LRP1B: variants seen among roughly 807,000 people sequenced by gnomAD.
LRP1B encodes the protein LDL receptor related protein 1B, also known as low-density lipoprotein receptor-related protein 1B.
A neutral mutation model predicts 556.6 loss-of-function variants in LRP1B; 217 were observed. The observed-to-expected ratio is 0.39, with a 90% CI of 0.35 to 0.44. LRP1B has a LOEUF of 0.44. Among genes scored for constraint, LRP1B ranks in the 20% least tolerant of loss-of-function variants. The pLI is 1.00. For missense variants in LRP1B, 5,053 were observed against 5,620.8 expected, an observed-to-expected ratio of 0.90 and a Z score of 3.23; for synonymous variants, 2,047 against 1,865.8, an observed-to-expected ratio of 1.10 and a Z score of -2.50.
At chr2:141,127,558 C>A (rs1237133198) in intron 7 of LRP1B, among the ~76,000 whole-genome samples, 2 of 152,084 alleles carry the variant, frequency 1.3e-5, no homozygotes, top group African/African-American at 4.8e-5. Context: ...ACTATGCAGC[C>A]ATAAAAAAGG....
At chr2:141,518,210 C>A (rs569704580) in intron 2 of LRP1B, among the ~76,000 whole-genome samples, 1 of 151,774 alleles carries the variant, frequency 6.6e-6, no homozygotes, top group Non-Finnish European at 1.5e-5. Flanking sequence ...GCAGAGAGCT[C>A]GGTAGACAGA....
chr2:140,739,706 C>A (rs975857499), intron 35 of LRP1B, among the ~76,000 whole-genome samples: 4 of 152,082 alleles, frequency 2.6e-5, no homozygotes, highest in African/African-American at 9.7e-5. Flanking sequence ...ATAAAAAATA[C>A]CGCTGATTGG....
At chr2:141,000,142 C>A (rs141080742) in intron 15 of LRP1B, among the ~76,000 whole-genome samples, 1 of 151,606 alleles carries the variant, frequency 6.6e-6, no homozygotes, top group Non-Finnish European at 1.5e-5. Flanking sequence ...TGGTCTTGAA[C>A]GCCTGGATTC....
chr2:141,014,826 C>T (rs985530830), intron 13 of LRP1B, among the ~76,000 whole-genome samples: 1 of 152,048 alleles, frequency 6.6e-6, no homozygotes, highest in African/African-American at 2.4e-5. Context: ...CAATGCCAAC[C>T]AATTGTACTT....
At chr2:141,210,903 T>C (rs1682510673) in intron 6 of LRP1B, among the ~76,000 whole-genome samples, 1 of 152,214 alleles carries the variant, frequency 6.6e-6, no homozygotes, top group Non-Finnish European at 1.5e-5. Context: ...AAAATAGGAA[T>C]AGTCTTTGCA....
At chr2:141,346,551 T>C (rs1022637483) in intron 3 of LRP1B, among the ~76,000 whole-genome samples, 13 of 152,126 alleles carry the variant, frequency 8.5e-5, no homozygotes, top group Admixed American at 2.0e-4. Flanking sequence ...TTCAGGTGTC[T>C]TACTCTCCCT....
intron 1 of LRP1B, among the ~76,000 whole-genome samples, chr2:142,031,904 A>G (rs1005992845): frequency 6.6e-6 from 1 of 151,842 alleles, no homozygotes; most frequent in African/African-American, 2.4e-5. Flanking sequence ...ATGTGAGGAA[A>G]AGAAACAGAC....
intron 29 of LRP1B, among the ~76,000 whole-genome samples, chr2:140,843,056 GTTTTTTTT>G (rs532264946): frequency 3.6e-5 from 1 of 28,058 alleles, no homozygotes; most frequent in Non-Finnish European, 7.3e-5. Flanking sequence ...CTCCAAAGTG[GTTTTTTTT>G]TTGTTTTTTT....
At chr2:141,529,571 C>G (rs547080739) in intron 2 of LRP1B, among the ~76,000 whole-genome samples, 1 of 152,090 alleles carries the variant, frequency 6.6e-6, no homozygotes, top group Non-Finnish European at 1.5e-5. Flanking sequence ...TTCAGATATT[C>G]CTGAATAATC....
chr2:141,504,627 G>A (rs950017089), intron 2 of LRP1B, among the ~76,000 whole-genome samples: 5 of 152,038 alleles, frequency 3.3e-5, no homozygotes, highest in Non-Finnish European at 5.9e-5. Flanking sequence ...TACAATGTGG[G>A]TGCCCAAGGA....
chr2:140,239,297 G>A lies in LRP1B; in HGVS notation c.13415+145C>T, dbSNP rs112101156. On this transcript the variant is annotated intron_variant, in intron 88 of 90. Coordinates refer to ENST00000389484, the MANE Select transcript of LRP1B (RefSeq NM_018557.3). ...GTCTAAATTATAATCACTTAAAAGA[G>A]AGGTATAAAATGATTTGAAAAACAT... is the stretch of plus-strand genomic sequence containing the variant. 8.2e-3 allele frequency: 4,071 copies of A among 497,820 alleles called. 152 individuals are homozygous for A. The highest frequency in any genetic ancestry group is 0.072 in the African/African-American group (3,587 of 49,764). The allele number at this position is 497,820 out of a possible 1,614,324, so 30.8% of individuals were successfully genotyped here.
At chr2:142,006,898 G>T (rs1017966718) in intron 1 of LRP1B, among the ~76,000 whole-genome samples, 1 of 151,980 alleles carries the variant, frequency 6.6e-6, no homozygotes, top group African/African-American at 2.4e-5. Context: ...AACAAATAAA[G>T]GTGGATAATC....
intron 41 of LRP1B, among the ~76,000 whole-genome samples, chr2:140,672,142 G>A (rs1378245230): frequency 6.6e-6 from 1 of 152,142 alleles, no homozygotes; most frequent in Non-Finnish European, 1.5e-5. Context: ...GACAAGTATA[G>A]GATGCTAGTT....
intron 77 of LRP1B, among the ~76,000 whole-genome samples, chr2:140,347,159 C>G (rs1681726382): frequency 6.6e-6 from 1 of 151,584 alleles, no homozygotes; most frequent in Non-Finnish European, 1.5e-5. Flanking sequence ...ATAAATTGCC[C>G]AAGAGCATGT....
chr2:140,364,525 G>A (rs1255684255), intron 72 of LRP1B, 136 bp downstream of exon 72: 4 of 980,746 alleles, frequency 4.1e-6, no homozygotes, highest in South Asian at 1.9e-5. Flanking sequence ...AACAAAAGCT[G>A]TATCTGTGGT....
intron 1 of LRP1B, among the ~76,000 whole-genome samples, chr2:141,897,951 T>C (rs1699504247): frequency 6.6e-6 from 1 of 152,132 alleles, no homozygotes; most frequent in Admixed American, 6.6e-5. Flanking sequence ...ACAGTGACCA[T>C]ACAGAATTTC....
At chr2:140,447,461 G>T (rs535187741) in intron 63 of LRP1B, among the ~76,000 whole-genome samples, 1 of 152,036 alleles carries the variant, frequency 6.6e-6, no homozygotes, top group East Asian at 1.9e-4. Context: ...TATTAAGTGT[G>T]CAATGGCATC....
chr2:140,254,528 T>TCTTG (rs1451779169), intron 86 of LRP1B, among the ~76,000 whole-genome samples: 14 of 152,000 alleles, frequency 9.2e-5, no homozygotes, highest in Non-Finnish European at 1.2e-4. Context: ...TTTTTTTGTT[T>TCTTG]TTTGTTTGTT....
chr2:140,434,088 G>C (rs1352919440), intron 66 of LRP1B, among the ~76,000 whole-genome samples: 5 of 147,112 alleles, frequency 3.4e-5, no homozygotes, highest in Non-Finnish European at 6.0e-5. Flanking sequence ...TTTTCATTTT[G>C]AGATGGAATC....
Sources: allele counts gnomAD v4.1 joint callset (sites outside exome capture counted in the v4.1 genomes callset), GRCh38; gene constraint gnomAD v4.1.1; transcripts MANE v1.5; gene names NCBI Gene and HGNC (gene_info 2026-07-23, HGNC 2026-07-21).